ZMAT4: variants seen among roughly 807,000 people sequenced by gnomAD.
ZMAT4 encodes the protein zinc finger matrin-type protein 4.
ZMAT4 carries 17 observed loss-of-function variants against 28.7 expected under a neutral mutation model. The ratio of observed to expected loss-of-function variants is 0.59; its 90% CI spans 0.41 to 0.89. The LOEUF is 0.89. Ranked by LOEUF, ZMAT4 falls within the 40% of genes least tolerant of loss-of-function variation. The probability of loss-of-function intolerance (pLI) is 0.00; values close to 1 mark genes in which losing one functional copy is unlikely to be tolerated. For missense variants in ZMAT4, 240 were observed against 283.8 expected, an observed-to-expected ratio of 0.85 and a Z score of 1.11; for synonymous variants, 117 against 109.2, an observed-to-expected ratio of 1.07 and a Z score of -0.44.
At chr8:40,707,724 C>T (rs1810425073) in intron 3 of ZMAT4, among the ~76,000 whole-genome samples, 1 of 152,132 alleles carries the variant, frequency 6.6e-6, no homozygotes, top group African/African-American at 2.4e-5. Flanking sequence ...CATATTATCT[C>T]ATTTCATTTA....
chr8:40,763,723 T>C (rs1813029984), intron 3 of ZMAT4, among the ~76,000 whole-genome samples: 1 of 152,160 alleles, frequency 6.6e-6, no homozygotes, highest in South Asian at 2.1e-4. Flanking sequence ...TAGATTAGAT[T>C]GATTCTTCCC....
At chr8:40,801,351 AATATATATATATATATAT>A in intron 2 of ZMAT4, among the ~76,000 whole-genome samples, 1 of 97,262 alleles carries the variant, frequency 1.0e-5, no homozygotes, top group Non-Finnish European at 2.2e-5. Flanking sequence ...TAAAAAAAAA[AATATATATATATATATAT>A]ATACATATAT....
chr8:40,877,118 C>G (rs1357856672), intron 1 of ZMAT4, among the ~76,000 whole-genome samples: 3 of 152,188 alleles, frequency 2.0e-5, no homozygotes, highest in Non-Finnish European at 4.4e-5. Context: ...GACACAGTGA[C>G]AGACACGCAT....
In ZMAT4 at chr8:40,612,700, T is replaced by C. The variant is rs1370927007; in HGVS notation, c.578-31439A>G. ...CTCAACATGACCAAAGCATCTGTGC[T>C]ACCTCATTCTACTCAATCCCCTCCC... On this transcript the variant is annotated intron_variant, in intron 5 of 6. Transcript: ENST00000297737. 2.2e-5 allele frequency among the ~76,000 whole-genome samples: 3 copies of C among 137,180 alleles called. 1 individual carries two copies. The allele number at this position is 137,180 out of a possible 152,430, so 90.0% of individuals were successfully genotyped here. A position where few individuals can be genotyped will look rare whatever the true frequency, so the allele number is the denominator to read the frequency against.
rs188471895 is a variant in ZMAT4, at chr8:40,542,296, G to A, written c.675-10058C>T. On this transcript the variant is annotated intron_variant, in intron 6 of 6. Coordinates refer to ENST00000297737, the MANE Select transcript of ZMAT4 (RefSeq NM_024645.3). ...GCTGTACTCATGTGTGGGCCACCGA[G>A]GGGTCAGGGAGGACCCTGGCTGGCC... 5.7e-4 allele frequency among the ~76,000 whole-genome samples: 87 copies of A among 152,310 alleles called. 1 individual carries two copies. The highest frequency in any genetic ancestry group is 3.4e-3 in the Middle Eastern group (1 of 294).
At chr8:40,640,878 G>T (rs958578771) in intron 5 of ZMAT4, among the ~76,000 whole-genome samples, 2 of 150,770 alleles carry the variant, frequency 1.3e-5, no homozygotes, top group African/African-American at 4.9e-5. Context: ...AGAATTGCTT[G>T]AACCTGCAAG....
At chr8:40,876,736 C>T (rs1466196837) in intron 1 of ZMAT4, among the ~76,000 whole-genome samples, 1 of 152,192 alleles carries the variant, frequency 6.6e-6, no homozygotes, top group African/African-American at 2.4e-5. Flanking sequence ...ATTGGTAAGG[C>T]TTCTGATCAG....
intron 2 of ZMAT4, among the ~76,000 whole-genome samples, chr8:40,802,679 G>T (rs2150588612): frequency 6.6e-6 from 1 of 152,160 alleles, no homozygotes; most frequent in Non-Finnish European, 1.5e-5. Flanking sequence ...ATCAAAATCT[G>T]AAAAAGTTAT....
chr8:40,642,572 C>G (rs1274877887), intron 5 of ZMAT4, among the ~76,000 whole-genome samples: 2 of 152,140 alleles, frequency 1.3e-5, no homozygotes, highest in African/African-American at 4.8e-5. Flanking sequence ...AGATTGTTTT[C>G]AAACCTAATA....
At chr8:40,658,636 A>G (rs1197313182) in intron 5 of ZMAT4, among the ~76,000 whole-genome samples, 4 of 151,290 alleles carry the variant, frequency 2.6e-5, no homozygotes, top group African/African-American at 9.7e-5. Flanking sequence ...ACACACACAC[A>G]CACACACACA....
chr8:40,732,834 CTTTT>C (rs11461186), intron 3 of ZMAT4, among the ~76,000 whole-genome samples: 4 of 67,020 alleles, frequency 6.0e-5, no homozygotes, highest in South Asian at 6.8e-4. Flanking sequence ...GCAAGACCTC[CTTTT>C]TTTTTTTTTT....
chr8:40,886,859 G>A (rs1818466736), intron 1 of ZMAT4, among the ~76,000 whole-genome samples: 1 of 148,974 alleles, frequency 6.7e-6, no homozygotes, highest in South Asian at 2.1e-4. Flanking sequence ...ACTTGTGATT[G>A]GAATGACTGA....
At chr8:40,806,696 T>C (rs113457629) in intron 2 of ZMAT4, among the ~76,000 whole-genome samples, 5 of 152,302 alleles carry the variant, frequency 3.3e-5, no homozygotes, top group African/African-American at 1.2e-4. Flanking sequence ...TATGCATCTG[T>C]ATTGCTACAT....
At chr8:40,728,136 G>A (rs898729569) in intron 3 of ZMAT4, among the ~76,000 whole-genome samples, 1 of 152,192 alleles carries the variant, frequency 6.6e-6, no homozygotes, top group Admixed American at 6.5e-5. Flanking sequence ...GGAAACACAC[G>A]AAATTATAAA....
At chr8:40,693,464 G>T (rs576785605) in intron 4 of ZMAT4, among the ~76,000 whole-genome samples, 40 of 152,196 alleles carry the variant, frequency 2.6e-4, no homozygotes, top group African/African-American at 9.4e-4. Flanking sequence ...CTCCTGACTG[G>T]TGCACAGCCT....
At chr8:40,724,844 G>A (rs1811256318) in intron 3 of ZMAT4, among the ~76,000 whole-genome samples, 1 of 152,186 alleles carries the variant, frequency 6.6e-6, no homozygotes, top group Non-Finnish European at 1.5e-5. Context: ...AGCAGGAGAT[G>A]AAGTGGATAG....
intron 5 of ZMAT4, among the ~76,000 whole-genome samples, chr8:40,584,928 C>T (rs1042738034): frequency 3.9e-5 from 6 of 152,186 alleles, no homozygotes. Context: ...GCCACTGCAC[C>T]AGGCCTAAAG....
chr8:40,759,144 T>C (rs1812818634), intron 3 of ZMAT4, among the ~76,000 whole-genome samples: 2 of 151,790 alleles, frequency 1.3e-5, no homozygotes, highest in South Asian at 4.2e-4. Context: ...TGGCAGGGCA[T>C]GGAGGTGCGG....
chr8:40,641,382 T>G (rs1807019563), intron 5 of ZMAT4, among the ~76,000 whole-genome samples: 1 of 152,230 alleles, frequency 6.6e-6, no homozygotes, highest in Non-Finnish European at 1.5e-5. Flanking sequence ...TTAGGTGACT[T>G]TCCAAATCTT....
Sources: allele counts gnomAD v4.1 joint callset (sites outside exome capture counted in the v4.1 genomes callset), GRCh38; gene constraint gnomAD v4.1.1; transcripts MANE v1.5; gene names NCBI Gene and HGNC (gene_info 2026-07-23, HGNC 2026-07-21).